PTPRD: variants seen among roughly 807,000 people sequenced by gnomAD.
PTPRD encodes the protein protein tyrosine phosphatase receptor type D.
A neutral mutation model predicts 214.5 loss-of-function variants in PTPRD; 34 were observed. The observed-to-expected ratio is 0.16, with a 90% CI of 0.12 to 0.21. The LOEUF is 0.21. PTPRD is among the 10% of genes least tolerant of loss of function. PTPRD has a pLI of 1.00. For synonymous variants in PTPRD, 1,128 were observed against 845.7 expected (o/e 1.33, Z -5.79); for missense variants, 2,545 against 2,398.7 (o/e 1.06, Z -1.27).
chr9:9,644,793 G>T (rs1455956031), intron 7 of PTPRD, among the ~76,000 whole-genome samples: 1 of 152,160 alleles, frequency 6.6e-6, no homozygotes. Context: ...GAGCAGAGTG[G>T]CTTGGCAGAG....
intron 11 of PTPRD, among the ~76,000 whole-genome samples, chr9:8,981,577 A>C (rs886632370): frequency 5.3e-5 from 8 of 152,030 alleles, no homozygotes; most frequent in African/African-American, 1.7e-4. Context: ...TGTATGTGGC[A>C]ACCCAGTGCT....
chr9:9,022,115 A>G (rs1199050368), intron 10 of PTPRD, among the ~76,000 whole-genome samples: 3 of 152,052 alleles, frequency 2.0e-5, no homozygotes, highest in South Asian at 4.1e-4. Flanking sequence ...CATTCTGCAC[A>G]TGTATCCCAG....
At chr9:9,790,226 A>G (rs753767791) in intron 5 of PTPRD, among the ~76,000 whole-genome samples, 1 of 152,144 alleles carries the variant, frequency 6.6e-6, no homozygotes, top group African/African-American at 2.4e-5. Context: ...TTCTTGATGT[A>G]TTGTCTTGGA....
chr9:10,202,671 G>GAGATATAT lies in PTPRD; in HGVS notation c.-545+138291_-545+138292insATATATCT, dbSNP rs376695815. Among the ~76,000 whole-genome samples, 411 of 113,104 alleles carry GAGATATAT rather than the reference G, an allele frequency of 3.6e-3. 5 individuals are homozygous for GAGATATAT. The highest frequency in any genetic ancestry group is 0.013 in the African/African-American group (364 of 28,182). 74.2% of individuals were successfully genotyped at this position (113,104 alleles called of 152,430 possible). A position where few individuals can be genotyped will look rare whatever the true frequency, so the allele number is the denominator to read the frequency against. On this transcript the variant is annotated intron_variant, in intron 3 of 45. Transcript: ENST00000381196. ...GATGCCTACTTATAAAAATTATATG[G>GAGATATAT]ATATATATATATATATATATATATA...
At chr9:8,890,586 T>A (rs1024885757) in intron 11 of PTPRD, among the ~76,000 whole-genome samples, 1 of 152,222 alleles carries the variant, frequency 6.6e-6, no homozygotes, top group East Asian at 1.9e-4. Context: ...CATGGAAAGA[T>A]CTTTATTTTA....
At chr9:10,536,786 C>T (rs1384432025) in intron 2 of PTPRD, among the ~76,000 whole-genome samples, 2 of 152,080 alleles carry the variant, frequency 1.3e-5, no homozygotes, top group East Asian at 1.9e-4. Flanking sequence ...AGGTTAATAC[C>T]TCAGAACTCC....
At chr9:8,767,543 C>CT (rs1445967546) in intron 11 of PTPRD, among the ~76,000 whole-genome samples, 2 of 152,090 alleles carry the variant, frequency 1.3e-5, no homozygotes, top group Non-Finnish European at 2.9e-5. Context: ...TAGAAAATAT[C>CT]TGAGTGACTA....
At chr9:10,529,866 G>A (rs1235659070) in intron 2 of PTPRD, among the ~76,000 whole-genome samples, 4 of 151,878 alleles carry the variant, frequency 2.6e-5, no homozygotes, top group African/African-American at 7.3e-5. Context: ...AGAACACATG[G>A]AAACAAGGAG....
intron 33 of PTPRD, 200 bp downstream of exon 33, chr9:8,460,211 A>G (rs1280476724): frequency 2.9e-6 from 2 of 680,702 alleles, no homozygotes; most frequent in African/African-American, 1.8e-5. Context: ...AGAAGTCTAT[A>G]CCAAAACTGA....
chr9:9,694,378 T>G (rs1359207485), intron 7 of PTPRD, among the ~76,000 whole-genome samples: 2 of 152,048 alleles, frequency 1.3e-5, no homozygotes, highest in Non-Finnish European at 2.9e-5. Flanking sequence ...CAGAGACTTT[T>G]GTTCTTTTCC....
At position 9,845,147 on chromosome 9, in the gene PTPRD, TTGCTC is replaced by T. The variant is rs2059256765; in HGVS notation, c.-367-78301_-367-78297del. 2.0e-4 allele frequency among the ~76,000 whole-genome samples: 3 copies of T among 14,990 alleles called. 1 individual carries two copies. Among genetic ancestry groups the T allele is most frequent in the Non-Finnish European group, 6.5e-4 (3 of 4,584 alleles). 9.8% of individuals were successfully genotyped at this position (14,990 alleles called of 152,430 possible). On this transcript the variant is annotated intron_variant, in intron 5 of 45. Transcript: ENST00000381196. ...ATATATAGAGCAATATATATATATATTGCTCTATATATAGAGCAATATATATATAT... is the reference window on the plus strand; with the variant it reads ...ATATATAGAGCAATATATATATATATTATATATAGAGCAATATATATATAT...
chr9:10,469,729 T>C (rs1450147823), intron 2 of PTPRD, among the ~76,000 whole-genome samples: 1 of 152,162 alleles, frequency 6.6e-6, no homozygotes, highest in East Asian at 1.9e-4. Flanking sequence ...CACAGCACTA[T>C]TCACAGTAGC....
chr9:9,568,841 C>T (rs912581994), intron 8 of PTPRD, among the ~76,000 whole-genome samples: 4 of 151,724 alleles, frequency 2.6e-5, no homozygotes, highest in African/African-American at 9.7e-5. Flanking sequence ...TGACTGTAGA[C>T]CCTACAAGCT....
intron 7 of PTPRD, among the ~76,000 whole-genome samples, chr9:9,649,110 A>T (rs1233439732): frequency 6.6e-6 from 1 of 152,166 alleles, no homozygotes; most frequent in East Asian, 1.9e-4. Context: ...ACGCAGTGTT[A>T]TTCAGGGTCT....
chr9:10,452,827 T>C (rs1004985950), intron 2 of PTPRD, among the ~76,000 whole-genome samples: 17 of 151,922 alleles, frequency 1.1e-4, no homozygotes, highest in African/African-American at 3.9e-4. Context: ...GGATTCTAGT[T>C]TGATGTAGTC....
At chr9:9,144,725 C>G (rs563310496) in intron 10 of PTPRD, among the ~76,000 whole-genome samples, 2 of 152,080 alleles carry the variant, frequency 1.3e-5, no homozygotes, top group South Asian at 2.1e-4. Flanking sequence ...TGCACTCCAA[C>G]CTAGGCGACA....
chr9:8,643,571 G>C (rs1167947466), intron 12 of PTPRD, among the ~76,000 whole-genome samples: 1 of 152,174 alleles, frequency 6.6e-6, no homozygotes, highest in African/African-American at 2.4e-5. Flanking sequence ...AGGGGAAGCG[G>C]GGAATAGGGG....
chr9:8,737,463 G>C (rs1330881761), intron 11 of PTPRD, among the ~76,000 whole-genome samples: 1 of 151,596 alleles, frequency 6.6e-6, no homozygotes, highest in Non-Finnish European at 1.5e-5. Context: ...AAAATAAACA[G>C]GATAAAAGAA....
intron 28 of PTPRD, 77 bp from the exon 29 acceptor site, chr9:8,485,401 G>A (rs2096978225): frequency 1.0e-6 from 1 of 972,122 alleles, no homozygotes; most frequent in African/African-American, 1.6e-5. Flanking sequence ...TGGACCATAG[G>A]GGCTTATGCT....
Sources: allele counts gnomAD v4.1 joint callset (sites outside exome capture counted in the v4.1 genomes callset), GRCh38; gene constraint gnomAD v4.1.1; transcripts MANE v1.5; gene names NCBI Gene and HGNC (gene_info 2026-07-23, HGNC 2026-07-21).